PHKB: variants seen among roughly 807,000 people sequenced by gnomAD.
The protein encoded by PHKB is phosphorylase kinase regulatory subunit beta, also known as phosphorylase b kinase regulatory subunit beta.
In PHKB, 122 loss-of-function variants were observed where a neutral mutation model predicts 152.1. The observed-to-expected ratio is 0.80, with a 90% CI of 0.69 to 0.93. The LOEUF (loss-of-function observed/expected upper bound fraction) is 0.93, where lower values mean the gene tolerates loss of function less well. Ranked by LOEUF, PHKB falls within the 40% of genes least tolerant of loss-of-function variation. The pLI is 0.00. For synonymous variants in PHKB, 436 were observed against 464.9 expected, an observed-to-expected ratio of 0.94 and a Z score of 0.80; for missense variants, 1,304 against 1,328.4, an observed-to-expected ratio of 0.98 and a Z score of 0.29.
chr16:47,687,583 C>G (rs943259133), intron 26 of PHKB, among the ~76,000 whole-genome samples: 3 of 152,196 alleles, frequency 2.0e-5, no homozygotes, highest in African/African-American at 7.2e-5. Flanking sequence ...AATACTTCAT[C>G]TTTATTGCTC....
At chr16:47,542,865 T>C (rs1364827577) in intron 6 of PHKB, among the ~76,000 whole-genome samples, 1 of 152,242 alleles carries the variant, frequency 6.6e-6, no homozygotes, top group Non-Finnish European at 1.5e-5. Flanking sequence ...CCTGAGACTT[T>C]GCTGAAGTTG....
In PHKB at chr16:47,699,699, C is replaced by T. The variant is rs1974215916; in HGVS notation, c.*333C>T. The T allele has an allele frequency of 2.9e-6, 1 of 348,004 alleles. No individual in the cohort carries two copies. The highest frequency in any genetic ancestry group is 6.7e-5 in the East Asian group (1 of 14,998). 21.6% of individuals were successfully genotyped at this position (348,004 alleles called of 1,614,324 possible). On this transcript the variant is annotated 3_prime_UTR_variant, in exon 31 of 31. Transcript: ENST00000323584. ...TCAAAATGAATCTTTGCTCTTTGGA[C>T]TGAATTCTTACCATACTGCCATTAA... is the stretch of plus-strand genomic sequence containing the variant.
intron 7 of PHKB, chr16:47,561,653 G>C (rs1256919027): frequency 6.6e-6 from 1 of 152,056 alleles, no homozygotes; most frequent in African/African-American, 2.4e-5. Context: ...ACTCCAAAAA[G>C]GTATCTCAAG....
chr16:47,538,367 C>G (rs1055085562), intron 6 of PHKB, among the ~76,000 whole-genome samples: 2 of 152,228 alleles, frequency 1.3e-5, no homozygotes, highest in African/African-American at 4.8e-5. Flanking sequence ...GTTGGGTAAG[C>G]TGAGGGGACC....
At chr16:47,631,092 G>C (rs148513582) in intron 14 of PHKB, among the ~76,000 whole-genome samples, 144 of 152,180 alleles carry the variant, frequency 9.5e-4, no homozygotes, top group South Asian at 2.9e-3. Context: ...GCCTGCCTCC[G>C]TAATTGTGTG....
intron 7 of PHKB, among the ~76,000 whole-genome samples, chr16:47,573,759 T>A (rs1448565742): frequency 6.6e-6 from 1 of 152,204 alleles, no homozygotes; most frequent in Admixed American, 6.5e-5. Flanking sequence ...TCAATGGGGT[T>A]TATACCCACA....
intron 7 of PHKB, among the ~76,000 whole-genome samples, chr16:47,555,565 G>A (rs1971354438): frequency 6.6e-6 from 1 of 152,152 alleles, no homozygotes; most frequent in Non-Finnish European, 1.5e-5. Flanking sequence ...AATCAAATCA[G>A]TCAATGTTCT....
At chr16:47,650,270 AAG>A (rs1440601231) in intron 18 of PHKB, among the ~76,000 whole-genome samples, 1 of 152,190 alleles carries the variant, frequency 6.6e-6, no homozygotes, top group Non-Finnish European at 1.5e-5. Flanking sequence ...ATTTAAAAAA[AAG>A]AGGGGGAAAA....
chr16:47,655,617 T>C (rs773843283), intron 20 of PHKB, among the ~76,000 whole-genome samples: 4 of 152,232 alleles, frequency 2.6e-5, no homozygotes, highest in African/African-American at 4.8e-5. Context: ...AAGCACAGCA[T>C]AGAGTTTTAA....
chr16:47,538,076 G>A (rs751469224), intron 6 of PHKB, among the ~76,000 whole-genome samples: 18 of 151,784 alleles, frequency 1.2e-4, no homozygotes, highest in Non-Finnish European at 2.5e-4. Flanking sequence ...AATTTTTTTT[G>A]TACAGACAGT....
At chr16:47,566,368 T>C (rs1269901670) in intron 7 of PHKB, 1 of 1,479,686 alleles carries the variant, frequency 6.8e-7, no homozygotes. Context: ...TTCCTGTCTT[T>C]ATCCTGTGCT....
At chr16:47,665,803 T>C (rs1324980322) in intron 25 of PHKB, 6 of 724,974 alleles carry the variant, frequency 8.3e-6, no homozygotes, top group Non-Finnish European at 1.5e-5. Context: ...TTAGGTTCAA[T>C]GTCCTGGGCA....
intron 14 of PHKB, among the ~76,000 whole-genome samples, chr16:47,625,162 C>G (rs1414612943): frequency 6.6e-6 from 1 of 152,182 alleles, no homozygotes; most frequent in Non-Finnish European, 1.5e-5. Context: ...ACTGCAGGCT[C>G]CAACTAATCT....
At chr16:47,699,069 A>G in intron 30 of PHKB, 160 bp from the exon 31 acceptor site, 1 of 696,496 alleles carries the variant, frequency 1.4e-6, no homozygotes, top group Non-Finnish European at 2.5e-6. Context: ...TTTGTTTTAT[A>G]TACACCTCAG....
At position 47,601,090 on chromosome 16, in the gene PHKB, G is replaced by A. The variant is rs570050044; in HGVS notation, c.1363+4559G>A. On this transcript the variant is annotated intron_variant, in intron 13 of 30. Coordinates refer to ENST00000323584, the MANE Select transcript of PHKB (RefSeq NM_000293.3). ...CTGCCCGCCAGCCATGATGGTGCAT[G>A]GCTGTAGTCCCAGCTACTCAGGAGG... Among the ~76,000 whole-genome samples the A allele has an allele frequency of 3.3e-5, 5 of 152,182 alleles. No individual in the cohort carries two copies. The East Asian group carries it at 9.7e-4, about 30-fold the overall frequency.
chr16:47,606,749 C>T (rs927172403), intron 13 of PHKB, among the ~76,000 whole-genome samples: 1 of 152,158 alleles, frequency 6.6e-6, no homozygotes, highest in Non-Finnish European at 1.5e-5. Context: ...TGCATGTTCT[C>T]TTCCAGGCCC....
intron 8 of PHKB, among the ~76,000 whole-genome samples, chr16:47,583,599 C>T (rs868791624): frequency 1.4e-4 from 21 of 152,122 alleles, no homozygotes; most frequent in Non-Finnish European, 2.5e-4. Flanking sequence ...TACATTCCTT[C>T]TTGGTGGCAA....
intron 1 of PHKB, among the ~76,000 whole-genome samples, chr16:47,481,230 G>A (rs1969958660): frequency 6.6e-6 from 1 of 152,160 alleles, no homozygotes; most frequent in South Asian, 2.1e-4. Context: ...CTTCAGAAAT[G>A]ATCATTCATT....
chr16:47,590,258 C>A (rs1972005616), intron 10 of PHKB: 1 of 150,902 alleles, frequency 6.6e-6, no homozygotes, highest in African/African-American at 2.4e-5. Flanking sequence ...AAAAACTAGA[C>A]AAGCTATTTA....
Sources: gnomAD v4.1 joint callset for allele counts (sites outside exome capture counted in the v4.1 genomes callset) on GRCh38, gnomAD v4.1.1 for gene constraint, MANE v1.5 for transcripts, NCBI Gene and HGNC (gene_info 2026-07-23, HGNC 2026-07-21) for gene names.